Variants in UNC13D observed in about 807,000 individuals in gnomAD.
UNC13D encodes unc-13 homolog D.
Under a neutral mutation model 151.7 loss-of-function variants are expected in UNC13D, and 115 were observed. The ratio of observed to expected loss-of-function variants is 0.76; its 90% CI spans 0.65 to 0.88. The LOEUF (loss-of-function observed/expected upper bound fraction) is 0.88, where lower values mean the gene tolerates loss of function less well. Ranked by LOEUF, UNC13D falls within the 40% of genes least tolerant of loss-of-function variation. UNC13D has a pLI of 0.00. For synonymous variants in UNC13D, 588 were observed against 612.2 expected, an observed-to-expected ratio of 0.96 and a Z score of 0.58; for missense variants, 1,369 against 1,438.7, an observed-to-expected ratio of 0.95 and a Z score of 0.78.
In UNC13D at chr17:75,835,917, G is replaced by C; in HGVS notation, c.1545-11C>G. The C allele has an allele frequency of 6.2e-7, 1 of 1,614,200 alleles. No individual in the cohort carries two copies. Among genetic ancestry groups the C allele is most frequent in the Non-Finnish European group, 8.5e-7 (1 of 1,180,028 alleles). ...TGGATCTTGAGGGTACTGGAGGAAA[G>C]GCAGCAGGTGTCACCCAGTGGCATA... On this transcript the variant is annotated splice_polypyrimidine_tract_variant and intron_variant, in intron 17 of 31. Transcript: ENST00000207549.
chr17:75,840,974 G>C lies in UNC13D; in HGVS notation c.597C>G (p.Ser199Arg). 1.2e-6 allele frequency: 2 copies of C among 1,613,970 alleles called. No individual in the cohort carries two copies. The highest frequency in any genetic ancestry group is 1.7e-6 in the Non-Finnish European group (2 of 1,180,014). The change falls in exon 7 of 32, where the codon AGC becomes AGG. Residue 199 changes from serine to arginine, a missense_variant. Transcript: ENST00000207549. The surrounding 1 kb of genome is among the most constrained non-coding windows in gnomAD (Gnocchi z 4.6). ...ILEFEDITNA[S>R]FHLDMWDLDT... ...TCACTCACCACATGTCCAGATGAAA[G>C]CTCGCATTGGTGATGTCCTCAAACT...
intron 14 of UNC13D, 60 bp downstream of exon 14, chr17:75,836,512 G>T: frequency 6.8e-6 from 11 of 1,612,696 alleles, no homozygotes; most frequent in Non-Finnish European, 8.5e-6. Flanking sequence ...CACTCCTGCA[G>T]GCACCCCAGC....
intron 6 of UNC13D, among the ~76,000 whole-genome samples, chr17:75,842,009 A>C (rs1182295159): frequency 6.6e-6 from 1 of 150,638 alleles, no homozygotes; most frequent in Non-Finnish European, 1.5e-5. Context: ...AGCCTCCCAA[A>C]ATGCTGGGAT....
Position 75,827,620 on chromosome 17 carries a change from GCAGATGGGCCAGGGCCAGGAGA to G in UNC13D, c.*323_*344del, listed in dbSNP as rs1242702949. The G allele has an allele frequency of 1.4e-5, 22 of 1,535,466 alleles. No homozygotes were observed. Among genetic ancestry groups the G allele is most frequent in the Middle Eastern group, 1.7e-4 (1 of 5,958 alleles). ...GTGGCTGGAACAGGAAGGCCAGGAG[GCAGATGGGCCAGGGCCAGGAGA>G]CAGATGGCCCAATCCCCTGCCCACC... On this transcript the variant is annotated 3_prime_UTR_variant, in exon 32 of 32. Transcript: ENST00000207549.
rs2062133396 is a variant in UNC13D at position 75,827,699 on chromosome 17, A to C, written c.*266T>G. The C allele has an allele frequency of 1.3e-6, 2 of 1,524,150 alleles. No individual in the cohort carries two copies. The highest frequency in any genetic ancestry group is 2.7e-5 in the African/African-American group (2 of 72,768). 94.4% of individuals were successfully genotyped at this position (1,524,150 alleles called of 1,614,324 possible). A position where few individuals can be genotyped will look rare whatever the true frequency, so the allele number is the denominator to read the frequency against. On this transcript the variant is annotated 3_prime_UTR_variant, in exon 32 of 32. Coordinates refer to ENST00000207549, the MANE Select transcript of UNC13D (RefSeq NM_199242.3). ...GCTTTTCTGAGAGGCGGGCAGGGGC[A>C]GGGTTTGCTCCCCCTGGTGCTGGGA...
Position 75,827,795 on chromosome 17 carries a change from A to G in UNC13D, c.*170T>C. 2 of 1,481,572 alleles carry G rather than the reference A, an allele frequency of 1.3e-6. No homozygotes were observed. The highest frequency in any genetic ancestry group is 1.8e-6 in the Non-Finnish European group (2 of 1,115,166). 91.8% of individuals were successfully genotyped at this position (1,481,572 alleles called of 1,614,324 possible). On this transcript the variant is annotated 3_prime_UTR_variant, in exon 32 of 32. Coordinates refer to ENST00000207549, the MANE Select transcript of UNC13D (RefSeq NM_199242.3). ...GTAGAGATGTCGCTGCTGAGCCCCC[A>G]TCACCATGGGAGGCAGGGGAGGTCT... is the stretch of plus-strand genomic sequence containing the variant.
Position 75,833,210 on chromosome 17 carries a change from T to A in UNC13D, c.2368-165A>T. 1.6e-6 allele frequency: 1 copy of A among 634,198 alleles called. No homozygotes were observed. The highest frequency in any genetic ancestry group is 3.0e-5 in the East Asian group (1 of 33,722). The allele number at this position is 634,198 out of a possible 1,614,324, so 39.3% of individuals were successfully genotyped here. On this transcript the variant is annotated intron_variant, in intron 24 of 31. Coordinates refer to ENST00000207549, the MANE Select transcript of UNC13D (RefSeq NM_199242.3). This position sits in a 1 kb window ranked among gnomAD's most constrained non-coding sequence, Gnocchi z 4.0. ...CTGCCCACCTCTCTGCCTTCCCCTCTCCGTTGCTCAGCCTGTCCCAGCCAC... is the reference window on the plus strand; with the variant it reads ...CTGCCCACCTCTCTGCCTTCCCCTCACCGTTGCTCAGCCTGTCCCAGCCAC...
intron 12 of UNC13D, among the ~76,000 whole-genome samples, chr17:75,839,058 C>A (rs1368074026): frequency 6.6e-6 from 1 of 151,518 alleles, no homozygotes; most frequent in Non-Finnish European, 1.5e-5. Context: ...CAAGATCGTG[C>A]CACTGCACTC....
rs980178651 is a variant in UNC13D at position 75,833,211 on chromosome 17, C to T, written c.2368-166G>A. ...TGCCCACCTCTCTGCCTTCCCCTCT[C>T]CGTTGCTCAGCCTGTCCCAGCCACA... is the stretch of plus-strand genomic sequence containing the variant. On this transcript the variant is annotated intron_variant, in intron 24 of 31. Coordinates refer to ENST00000207549, the MANE Select transcript of UNC13D (RefSeq NM_199242.3). This position sits in a 1 kb window ranked among gnomAD's most constrained non-coding sequence, Gnocchi z 4.0. 1 of 634,408 alleles carries T rather than the reference C, an allele frequency of 1.6e-6. No homozygotes were observed. The highest frequency in any genetic ancestry group is 3.0e-5 in the East Asian group (1 of 33,788). The allele number at this position is 634,408 out of a possible 1,614,324, so 39.3% of individuals were successfully genotyped here.
intron 12 of UNC13D, 88 bp from the exon 13 acceptor site, chr17:75,837,006 C>CCCACCTCCAGGGCCCCTGGTGGAGAA: frequency 1.7e-6 from 2 of 1,211,602 alleles, no homozygotes; most frequent in Non-Finnish European, 2.4e-6. Flanking sequence ...GGAATCGCCT[C>CCCACCTCCAGGGCCCCTGGTGGAGAA]CCATCCACCA....
chr17:75,833,352 C>T lies in UNC13D; in HGVS notation c.2368-307G>A. 1 of 274,192 alleles carries T rather than the reference C, an allele frequency of 3.6e-6. No homozygotes were observed. The highest frequency in any genetic ancestry group is 5.4e-5 in the South Asian group (1 of 18,414). The allele number at this position is 274,192 out of a possible 1,614,324, so 17.0% of individuals were successfully genotyped here. ...CCCTAGAACTTCTCATGCCTCCTCC[C>T]CTTGCTTCCCGTAGGTCTTCGCTCA... On this transcript the variant is annotated intron_variant, in intron 24 of 31. Coordinates refer to ENST00000207549, the MANE Select transcript of UNC13D (RefSeq NM_199242.3). The surrounding 1 kb of genome is among the most constrained non-coding windows in gnomAD (Gnocchi z 4.0).
rs886412971 is a variant in UNC13D at position 75,830,610 on chromosome 17, G to A, written c.2677C>T (p.Arg893Trp). ...TGGATTCGGCTGCAGAAGTACTTCC[G>A]GATGAGTTCCCGGCTGGAGGCCGCC... is the stretch of plus-strand genomic sequence containing the variant. The part of the protein sequence containing the change: ...LQAASSRELI[R>W]KYFCSRIQQQ... The change falls in exon 28 of 32, where the codon CGG becomes TGG. Residue 893 changes from arginine to tryptophan, a missense_variant. By Grantham distance (101) the Arg-to-Trp change is moderately radical. Coordinates refer to ENST00000207549, the MANE Select transcript of UNC13D (RefSeq NM_199242.3). The A allele has an allele frequency of 1.3e-5, 20 of 1,559,214 alleles. No individual in the cohort carries two copies. The highest frequency in any genetic ancestry group is 4.1e-5 in the African/African-American group (3 of 73,382).
At chr17:75,829,735 T>C (rs1017888451) in intron 30 of UNC13D, 10 of 381,284 alleles carry the variant, frequency 2.6e-5, no homozygotes, top group Non-Finnish European at 5.0e-5. Flanking sequence ...AGAGTACAGG[T>C]ACCCACCATC....
rs764950480 is a variant in UNC13D, at chr17:75,834,916, G to A, written c.1992+4C>T. ...GGGGGAAGGACACGTGGAAGATGCC[G>A]CACCTCCACAAACTTGACGGTAATC... On this transcript the variant is annotated splice_donor_region_variant and intron_variant, in intron 21 of 31. Coordinates refer to ENST00000207549, the MANE Select transcript of UNC13D (RefSeq NM_199242.3). The A allele has an allele frequency of 3.4e-5, 55 of 1,613,818 alleles. No homozygotes were observed. In the East Asian group the frequency reaches 4.5e-4, roughly 13 times the overall value.
At position 75,840,679 on chromosome 17, in the gene UNC13D, C is replaced by G. The variant is rs998719568; in HGVS notation, c.683+83G>C. On this transcript the variant is annotated intron_variant, in intron 8 of 31. Coordinates refer to ENST00000207549, the MANE Select transcript of UNC13D (RefSeq NM_199242.3). This position sits in a 1 kb window ranked among gnomAD's most constrained non-coding sequence, Gnocchi z 4.6. ...GCCACCTGGACCCCAAAGGAGCCTG[C>G]ACCCCAGCATCCAGTGTGCATGTTG... 11 of 1,610,240 alleles carry G rather than the reference C, an allele frequency of 6.8e-6. No homozygotes were observed. The highest frequency in any genetic ancestry group is 6.6e-5 in the South Asian group (6 of 91,008).
At chr17:75,842,831 C>A (rs2064958663) in intron 5 of UNC13D, 26 bp downstream of exon 5, 12 of 1,613,322 alleles carry the variant, frequency 7.4e-6, no homozygotes, top group Non-Finnish European at 9.3e-6. Flanking sequence ...GGAAGAAGCC[C>A]CTTGGGGACC....
At chr17:75,835,248 G>T in intron 20 of UNC13D, 161 bp downstream of exon 20, 1 of 1,354,912 alleles carries the variant, frequency 7.4e-7, no homozygotes, top group Non-Finnish European at 1.0e-6. Context: ...CAGCCCCAAG[G>T]ATATCCAGAG....
chr17:75,840,932 C>T lies in UNC13D; in HGVS notation c.614+25G>A, dbSNP rs1289225476. 2 of 1,614,104 alleles carry T rather than the reference C, an allele frequency of 1.2e-6. No individual in the cohort carries two copies. Among genetic ancestry groups the T allele is most frequent in the South Asian group, 2.2e-5 (2 of 91,078 alleles). On this transcript the variant is annotated intron_variant, in intron 7 of 31. Coordinates refer to ENST00000207549, the MANE Select transcript of UNC13D (RefSeq NM_199242.3). The surrounding 1 kb of genome is among the most constrained non-coding windows in gnomAD (Gnocchi z 4.6). ...ACCCCAGATCCCTTCCCTTCCCATC[C>T]CTAGGGGCAGGCCAGGTCACTCACC...
chr17:75,828,694 T>C, intron 31 of UNC13D, 93 bp downstream of exon 31: 1 of 1,345,818 alleles, frequency 7.4e-7, no homozygotes, highest in Non-Finnish European at 9.7e-7. Flanking sequence ...CCAGGGAAGC[T>C]GTTCTCCGAC....
Sources: allele counts gnomAD v4.1 joint callset (sites outside exome capture counted in the v4.1 genomes callset), GRCh38; gene constraint gnomAD v4.1.1; non-coding constraint Gnocchi (gnomAD v3.1); transcripts MANE v1.5; gene names NCBI Gene and HGNC (gene_info 2026-07-23, HGNC 2026-07-21).